OSTM1: variants seen among roughly 807,000 people sequenced by gnomAD.
OSTM1 encodes the protein osteoclastogenesis associated transmembrane protein 1, also known as osteopetrosis-associated transmembrane protein 1.
Under a neutral mutation model 35.4 loss-of-function variants are expected in OSTM1, and 26 were observed. The observed-to-expected ratio is 0.73, with a 90% CI of 0.54 to 1.02. OSTM1 has a LOEUF of 1.02. Ranked by LOEUF, OSTM1 falls within the 50% of genes least tolerant of loss-of-function variation. The probability of loss-of-function intolerance (pLI) is 0.00; values close to 1 mark genes in which losing one functional copy is unlikely to be tolerated. For missense variants in OSTM1, 366 were observed against 409.6 expected, an observed-to-expected ratio of 0.89 and a Z score of 0.92; for synonymous variants, 181 against 165.0, an observed-to-expected ratio of 1.10 and a Z score of -0.75.
chr6:108,064,648 C>T (rs192781795), intron 1 of OSTM1, among the ~76,000 whole-genome samples: 1 of 152,268 alleles, frequency 6.6e-6, no homozygotes, highest in East Asian at 1.9e-4. Flanking sequence ...ATTTCCTTTC[C>T]TTCGTGCCCC....
chr6:108,044,835 G>A lies in OSTM1; in HGVS notation c.955C>T (p.Arg319Cys). The A allele has an allele frequency of 1.3e-6, 2 of 1,537,350 alleles. No homozygotes were observed. The highest frequency in any genetic ancestry group is 8.9e-7 in the Non-Finnish European group (1 of 1,121,364). ...QKKRKLILPK[R>C]LKSSTSFANI... Reference sequence around the variant, plus strand: ...GCAAAACTGGTACTGGACTTGAGACGTTTGGCTAGATAAATCAAAAGAATT... The same window carrying A: ...GCAAAACTGGTACTGGACTTGAGACATTTGGCTAGATAAATCAAAAGAATT... The change falls in exon 6 of 6, where the codon CGT (arginine) becomes TGT (cysteine). Residue 319 changes from arginine (R) to cysteine (C), a missense_variant. Arg to Cys is a radical substitution (Grantham distance 180, BLOSUM62 -3). This residue lies in a region of OSTM1 where 125 missense variants were observed against 151.7 expected (regional missense o/e 0.82). Transcript: ENST00000193322.
chr6:108,055,298 T>G (rs977694687), intron 2 of OSTM1, among the ~76,000 whole-genome samples: 50 of 151,928 alleles, frequency 3.3e-4, no homozygotes, highest in African/African-American at 1.1e-3. Context: ...TTTTCCCTTC[T>G]TCAGGGAATA....
At chr6:108,049,692 C>A in intron 4 of OSTM1, 1 of 435,376 alleles carries the variant, frequency 2.3e-6, no homozygotes, top group Non-Finnish European at 3.7e-6. Flanking sequence ...TTTGTACATT[C>A]AAACAAAGAA....
chr6:108,061,968 TG>T (rs1168719099), intron 2 of OSTM1, among the ~76,000 whole-genome samples: 1 of 152,138 alleles, frequency 6.6e-6, no homozygotes, highest in Non-Finnish European at 1.5e-5. Flanking sequence ...AGACTCCCAA[TG>T]GATGCTTGAA....
rs112436531 is a variant in OSTM1 at position 108,060,385 on chromosome 6, A to G, written c.517+3800T>C. Among the ~76,000 whole-genome samples the G allele has an allele frequency of 2.5e-3, 382 of 152,318 alleles. 2 individuals are homozygous for G. The highest frequency in any genetic ancestry group is 9.0e-3 in the African/African-American group (373 of 41,576). ...GTTTTCTTTTCAACTAACTGGGGAA[A>G]AAAGGTCTGTACTTCGAATTAGTGA... On this transcript the variant is annotated intron_variant, in intron 2 of 5. Coordinates refer to ENST00000193322, the MANE Select transcript of OSTM1 (RefSeq NM_014028.4).
rs1202717414 is a variant in OSTM1 at position 108,042,289 on chromosome 6, T to A, written c.*2496A>T. 7.0e-5 allele frequency: 10 copies of A among 142,830 alleles called. No homozygotes were observed. Among genetic ancestry groups the A allele is most frequent in the African/African-American group, 2.1e-4 (8 of 38,672 alleles). 8.8% of individuals were successfully genotyped at this position (142,830 alleles called of 1,614,324 possible). On this transcript the variant is annotated 3_prime_UTR_variant, in exon 6 of 6. Coordinates refer to ENST00000193322, the MANE Select transcript of OSTM1 (RefSeq NM_014028.4). ...TCTACAAAAAAAAAAAAAAAAAAAA[T>A]TAATTATAAAAAAAAAAGAAAAAAT...
intron 2 of OSTM1, among the ~76,000 whole-genome samples, chr6:108,062,985 G>GCCTCTGCCCATTGAC (rs11267778): frequency 3.3e-4 from 50 of 151,880 alleles, no homozygotes; most frequent in African/African-American, 1.2e-3. Flanking sequence ...ATACCTCTGT[G>GCCTCTGCCCATTGAC]ACTACCTGCA....
intron 1 of OSTM1, among the ~76,000 whole-genome samples, chr6:108,073,075 G>A (rs1463728265): frequency 6.6e-6 from 1 of 152,186 alleles, no homozygotes; most frequent in Admixed American, 6.5e-5. Context: ...CTCCCAAAGT[G>A]CTGGGATTAC....
chr6:108,058,580 A>C (rs1447331282), intron 2 of OSTM1, among the ~76,000 whole-genome samples: 2 of 152,162 alleles, frequency 1.3e-5, no homozygotes, highest in Non-Finnish European at 2.9e-5. Context: ...CGAGGTCAGG[A>C]GATCGAGACC....
chr6:108,050,020 C>T (rs1772047191), intron 4 of OSTM1, among the ~76,000 whole-genome samples: 1 of 152,258 alleles, frequency 6.6e-6, no homozygotes, highest in African/African-American at 2.4e-5. Context: ...ACTCCAGCAT[C>T]ATAGTGCCTA....
intron 1 of OSTM1, chr6:108,073,528 C>G (rs1772524413): frequency 6.6e-6 from 1 of 152,184 alleles, no homozygotes; most frequent in African/African-American, 2.4e-5. Flanking sequence ...AAAAATTTAC[C>G]TCCCATTTAC....
chr6:108,048,187 G>A (rs898294035), intron 5 of OSTM1, among the ~76,000 whole-genome samples: 26 of 152,164 alleles, frequency 1.7e-4, no homozygotes, highest in African/African-American at 6.0e-4. Context: ...AGTGAAGTTA[G>A]ATGAAGTAGT....
At chr6:108,068,712 C>T (rs575892714) in intron 1 of OSTM1, among the ~76,000 whole-genome samples, 3 of 152,134 alleles carry the variant, frequency 2.0e-5, no homozygotes, top group Admixed American at 1.3e-4. Flanking sequence ...TTCCCCTACC[C>T]TCCCCAGCCC....
Position 108,044,640 on chromosome 6 carries a change from A to C in OSTM1, c.*145T>G. On this transcript the variant is annotated 3_prime_UTR_variant, in exon 6 of 6. Coordinates refer to ENST00000193322, the MANE Select transcript of OSTM1 (RefSeq NM_014028.4). The stretch of plus-strand genomic sequence containing the variant: ...GAAGTGGAAAAGGAAAGAAAAATCG[A>C]AAATTCTTATTTAAAAATGGATCTG... 1 of 524,130 alleles carries C rather than the reference A, an allele frequency of 1.9e-6. No individual in the cohort carries two copies. The highest frequency in any genetic ancestry group is 3.4e-6 in the Non-Finnish European group (1 of 290,180). 32.5% of individuals were successfully genotyped at this position (524,130 alleles called of 1,614,324 possible).
intron 2 of OSTM1, among the ~76,000 whole-genome samples, chr6:108,062,834 C>A (rs1015575893): frequency 1.3e-5 from 2 of 151,466 alleles, no homozygotes; most frequent in Admixed American, 1.3e-4. Context: ...GGTCTATAAC[C>A]CCTTCTTAAT....
Position 108,041,624 on chromosome 6 carries a change from C to T in OSTM1, c.*3161G>A, listed in dbSNP as rs1385072350. ...ATACTATCATTTTATGAAATCTTTA[C>T]AAGATAAGCACAGTAGTACAATATT... On this transcript the variant is annotated 3_prime_UTR_variant, in exon 6 of 6. Coordinates refer to ENST00000193322, the MANE Select transcript of OSTM1 (RefSeq NM_014028.4). 2 of 152,140 alleles carry T rather than the reference C, an allele frequency of 1.3e-5. No individual in the cohort carries two copies. The highest frequency in any genetic ancestry group is 4.8e-5 in the African/African-American group (2 of 41,426). The allele number at this position is 152,140 out of a possible 1,614,324, so 9.4% of individuals were successfully genotyped here.
chr6:108,051,421 G>A (rs1197274524), intron 3 of OSTM1, among the ~76,000 whole-genome samples: 2 of 152,114 alleles, frequency 1.3e-5, no homozygotes, highest in South Asian at 2.1e-4. Context: ...TTAGAGACCC[G>A]GTATGTGAAG....
In OSTM1 at chr6:108,043,571, T is replaced by C. The variant is rs955902671; in HGVS notation, c.*1214A>G. 1 of 152,172 alleles carries C rather than the reference T, an allele frequency of 6.6e-6. No homozygotes were observed. Among genetic ancestry groups the C allele is most frequent in the Admixed American group, 6.5e-5 (1 of 15,280 alleles). The allele number at this position is 152,172 out of a possible 1,614,324, so 9.4% of individuals were successfully genotyped here. A position where few individuals can be genotyped will look rare whatever the true frequency, so the allele number is the denominator to read the frequency against. On this transcript the variant is annotated 3_prime_UTR_variant, in exon 6 of 6. Transcript: ENST00000193322. ...AAAAAAGCAAGAAGAAATTAATAAA[T>C]GAAATCCTGAACTCTAAAAACCTAA... is the stretch of plus-strand genomic sequence containing the variant.
At chr6:108,044,894 T>C in intron 5 of OSTM1, 54 bp from the exon 6 acceptor site, 3 of 898,324 alleles carry the variant, frequency 3.3e-6, no homozygotes, top group Non-Finnish European at 5.1e-6. Context: ...TCAAACATGA[T>C]TATTTACTAT....
Sources: allele counts gnomAD v4.1 joint callset (sites outside exome capture counted in the v4.1 genomes callset), GRCh38; gene constraint gnomAD v4.1.1; regional missense constraint gnomAD v4.1.1; transcripts MANE v1.5; gene names NCBI Gene and HGNC (gene_info 2026-07-23, HGNC 2026-07-21).